CNTN4: variants seen among roughly 807,000 people sequenced by gnomAD.
CNTN4 encodes contactin 4.
A neutral mutation model predicts 122.5 loss-of-function variants in CNTN4; 77 were observed. The ratio of observed to expected loss-of-function variants is 0.63; its 90% CI spans 0.52 to 0.76. CNTN4 has a LOEUF of 0.76. Among genes scored for constraint, CNTN4 ranks in the 30% least tolerant of loss-of-function variants. The pLI, the probability that CNTN4 is intolerant of heterozygous loss-of-function variation, is 0.00. For synonymous variants in CNTN4, 512 were observed against 447.0 expected, an observed-to-expected ratio of 1.15 and a Z score of -1.83; for missense variants, 1,256 against 1,259.1, an observed-to-expected ratio of 1.00 and a Z score of 0.04.
At chr3:2,922,551 G>T (rs1173910624) in intron 12 of CNTN4, among the ~76,000 whole-genome samples, 2 of 151,238 alleles carry the variant, frequency 1.3e-5, no homozygotes, top group Non-Finnish European at 2.9e-5. Flanking sequence ...AATTTGCAGG[G>T]TTAGATAACT....
At chr3:3,038,060 C>G (rs1699776900) in intron 18 of CNTN4, among the ~76,000 whole-genome samples, 1 of 152,126 alleles carries the variant, frequency 6.6e-6, no homozygotes, top group South Asian at 2.1e-4. Context: ...GGAGTTCTGA[C>G]CCTACTCTCA....
chr3:2,390,528 A>G (rs1430994982), intron 3 of CNTN4, among the ~76,000 whole-genome samples: 1 of 152,178 alleles, frequency 6.6e-6, no homozygotes, highest in Non-Finnish European at 1.5e-5. Context: ...CTTGTTTACA[A>G]GTTGAATTGA....
chr3:2,722,069 A>C (rs1333189117), intron 4 of CNTN4, among the ~76,000 whole-genome samples: 1 of 152,102 alleles, frequency 6.6e-6, no homozygotes, highest in Non-Finnish European at 1.5e-5. Flanking sequence ...GTAAGCAATA[A>C]ATTTCTGTTG....
chr3:2,732,353 G>A (rs2088755406), intron 4 of CNTN4, among the ~76,000 whole-genome samples: 1 of 152,114 alleles, frequency 6.6e-6, no homozygotes, highest in South Asian at 2.1e-4. Flanking sequence ...AACAAGCATG[G>A]CATGATAATA....
Position 2,388,167 on chromosome 3 carries a change from A to T in CNTN4, c.-89+48934A>T, listed in dbSNP as rs1475094104. Among the ~76,000 whole-genome samples, 10 of 152,354 alleles carry T rather than the reference A, an allele frequency of 6.6e-5. No homozygotes were observed. In the East Asian group the frequency reaches 1.9e-3, roughly 29 times the overall value. ...CTTCAAGTGGGGAAGTTTCATGCTG[A>T]AAGAGCCAGTACAAACTATTTCTGA... is the stretch of plus-strand genomic sequence containing the variant. On this transcript the variant is annotated intron_variant, in intron 3 of 24. Coordinates refer to ENST00000418658, the MANE Select transcript of CNTN4 (RefSeq NM_175607.3).
intron 3 of CNTN4, among the ~76,000 whole-genome samples, chr3:2,397,608 C>T (rs2046688682): frequency 6.6e-6 from 1 of 152,008 alleles, no homozygotes; most frequent in East Asian, 1.9e-4. Context: ...CGCCACACTG[C>T]TCAGCATTGC....
chr3:2,357,643 A>T (rs1263544576), intron 3 of CNTN4, among the ~76,000 whole-genome samples: 1 of 152,230 alleles, frequency 6.6e-6, no homozygotes, highest in Non-Finnish European at 1.5e-5. Flanking sequence ...CAGCAACAAG[A>T]TGAGTAACTT....
intron 6 of CNTN4, among the ~76,000 whole-genome samples, chr3:2,795,111 A>G (rs1398552896): frequency 6.6e-6 from 1 of 152,192 alleles, no homozygotes; most frequent in Non-Finnish European, 1.5e-5. Context: ...CCATTCTGTA[A>G]GTTTTATTAT....
At chr3:2,133,363 T>C (rs2034539254) in intron 2 of CNTN4, among the ~76,000 whole-genome samples, 1 of 152,180 alleles carries the variant, frequency 6.6e-6, no homozygotes, top group South Asian at 2.1e-4. Context: ...AGTCATAAAA[T>C]GCATCTCTAT....
intron 16 of CNTN4, 99 bp from the exon 17 acceptor site, chr3:3,034,533 A>T: frequency 8.2e-7 from 1 of 1,224,996 alleles, no homozygotes; most frequent in Non-Finnish European, 1.2e-6. Context: ...GTGAATGGGT[A>T]GATAAATGAA....
intron 4 of CNTN4, among the ~76,000 whole-genome samples, chr3:2,596,924 A>T (rs751602213): frequency 7.2e-5 from 11 of 152,184 alleles, no homozygotes; most frequent in Non-Finnish European, 1.5e-4. Context: ...TGTGTCCAGG[A>T]CACAGTTAGA....
intron 13 of CNTN4, among the ~76,000 whole-genome samples, chr3:2,930,041 A>G (rs55825347): frequency 0.03 from 4,610 of 152,202 alleles, 226 homozygotes; most frequent in African/African-American, 0.11. Flanking sequence ...TGTCCTTGCA[A>G]CTTCCACTCA....
At chr3:2,655,517 GTCTCT>G (rs1421003984) in intron 4 of CNTN4, among the ~76,000 whole-genome samples, 1 of 152,056 alleles carries the variant, frequency 6.6e-6, no homozygotes, top group South Asian at 2.1e-4. Context: ...TCATCTAGTG[GTCTCT>G]TCTCTGTTTC....
intron 6 of CNTN4, among the ~76,000 whole-genome samples, chr3:2,779,587 A>G (rs1483250370): frequency 6.6e-6 from 1 of 152,230 alleles, no homozygotes; most frequent in African/African-American, 2.4e-5. Context: ...TGAGACTAAT[A>G]AGAGTTTGAA....
At chr3:2,425,149 C>A (rs549546922) in intron 3 of CNTN4, among the ~76,000 whole-genome samples, 2 of 152,148 alleles carry the variant, frequency 1.3e-5, no homozygotes, top group Non-Finnish European at 2.9e-5. Flanking sequence ...CTTGCCCATT[C>A]CTATGTCCTG....
chr3:2,497,304 G>A (rs1398983954), intron 3 of CNTN4, among the ~76,000 whole-genome samples: 3 of 152,036 alleles, frequency 2.0e-5, no homozygotes, highest in Non-Finnish European at 4.4e-5. Flanking sequence ...AAAGTCCTTG[G>A]CACCTAAGAT....
chr3:2,798,506 G>T (rs534964758), intron 6 of CNTN4, among the ~76,000 whole-genome samples: 1 of 151,956 alleles, frequency 6.6e-6, no homozygotes, highest in East Asian at 1.9e-4. Flanking sequence ...TGTGAATGCA[G>T]GTATCTTTTT....
intron 4 of CNTN4, among the ~76,000 whole-genome samples, chr3:2,618,865 G>A (rs541746012): frequency 6.6e-6 from 1 of 152,294 alleles, no homozygotes; most frequent in South Asian, 2.1e-4. Flanking sequence ...TTGGCAACCT[G>A]GTATTGTGGA....
At chr3:2,488,527 A>G (rs2076228066) in intron 3 of CNTN4, among the ~76,000 whole-genome samples, 1 of 152,136 alleles carries the variant, frequency 6.6e-6, no homozygotes, top group South Asian at 2.1e-4. Context: ...AGCTACTGGG[A>G]TAGGCTCCAG....
Sources: gnomAD v4.1 joint callset for allele counts (sites outside exome capture counted in the v4.1 genomes callset) on GRCh38, gnomAD v4.1.1 for gene constraint, MANE v1.5 for transcripts, NCBI Gene and HGNC (gene_info 2026-07-23, HGNC 2026-07-21) for gene names.